SPTBN1: variants seen among roughly 807,000 people sequenced by gnomAD.
SPTBN1 encodes spectrin beta chain, non-erythrocytic 1.
Under a neutral mutation model 266.4 loss-of-function variants are expected in SPTBN1, and 32 were observed. The ratio of observed to expected loss-of-function variants is 0.12; its 90% CI spans 0.09 to 0.16. SPTBN1 has a LOEUF of 0.16. Ranked by LOEUF, SPTBN1 falls within the 10% of genes least tolerant of loss-of-function variation. SPTBN1 has a pLI of 1.00. For missense variants in SPTBN1, 2,296 were observed against 3,067.1 expected (o/e 0.75, Z 5.94); for synonymous variants, 1,336 against 1,162.2 (o/e 1.15, Z -3.04).
chr2:54,634,427 G>A (rs764903302), intron 17 of SPTBN1, among the ~76,000 whole-genome samples: 2 of 152,202 alleles, frequency 1.3e-5, no homozygotes, highest in Admixed American at 6.5e-5. Flanking sequence ...AAAATGAAAC[G>A]TAAAGATAAC....
intron 18 of SPTBN1, among the ~76,000 whole-genome samples, chr2:54,641,894 T>C (rs959597710): frequency 2.0e-5 from 3 of 152,220 alleles, no homozygotes; most frequent in African/African-American, 7.2e-5. Context: ...CTACTGGTTT[T>C]ATGTGTCACT....
intron 1 of SPTBN1, among the ~76,000 whole-genome samples, chr2:54,477,122 A>G (rs965028840): frequency 8.5e-5 from 13 of 152,264 alleles, no homozygotes; most frequent in African/African-American, 2.9e-4. Flanking sequence ...GGGCTCTGAT[A>G]AGAAACAGAG....
rs71975342 is a variant in SPTBN1, at chr2:54,546,958, TAA to T, written c.148+20407_148+20408del. On this transcript the variant is annotated intron_variant, in intron 2 of 35. Transcript: ENST00000356805. ...TTTTAAAATTCATTTTTAATGGTGG[TAA>T]AAAAAAAAAAAAAACCACATAACAT... is the stretch of plus-strand genomic sequence containing the variant. Among the ~76,000 whole-genome samples, 1,034 of 144,062 alleles carry T rather than the reference TAA, an allele frequency of 7.2e-3. 10 individuals are homozygous for T. Among genetic ancestry groups the T allele is most frequent in the African/African-American group, 0.014 (534 of 38,730 alleles). The allele number at this position is 144,062 out of a possible 152,430, so 94.5% of individuals were successfully genotyped here.
intron 3 of SPTBN1, 144 bp downstream of exon 3, chr2:54,599,387 G>T (rs1558414043): frequency 1.1e-6 from 1 of 949,682 alleles, no homozygotes; most frequent in East Asian, 2.6e-5. Context: ...GAGCGCTTCA[G>T]GGAGAGCCTT....
At chr2:54,610,041 G>A (rs566767029) in intron 3 of SPTBN1, among the ~76,000 whole-genome samples, 47 of 113,276 alleles carry the variant, frequency 4.1e-4, no homozygotes, top group Non-Finnish European at 7.1e-4. Flanking sequence ...GGGCACTTTC[G>A]TCTGCATTAA....
At chr2:54,666,208 C>A in intron 34 of SPTBN1, 120 bp downstream of exon 34, 3 of 1,115,968 alleles carry the variant, frequency 2.7e-6, no homozygotes, top group Non-Finnish European at 3.8e-6. Context: ...ATTTTAAATC[C>A]CCAATAAAGT....
intron 1 of SPTBN1, among the ~76,000 whole-genome samples, chr2:54,461,260 A>G (rs1211264099): frequency 6.6e-6 from 1 of 152,170 alleles, no homozygotes; most frequent in Non-Finnish European, 1.5e-5. Flanking sequence ...TTCTATTCCC[A>G]AGGTTTATCC....
At chr2:54,483,352 T>C (rs1279678811) in intron 1 of SPTBN1, among the ~76,000 whole-genome samples, 2 of 152,108 alleles carry the variant, frequency 1.3e-5, no homozygotes, top group Admixed American at 1.3e-4. Context: ...ACATAGCACA[T>C]AAGATCCAAG....
At position 54,643,158 on chromosome 2, in the gene SPTBN1, G is replaced by A. The variant is rs115808261; in HGVS notation, c.4005+29G>A. On this transcript the variant is annotated intron_variant, in intron 19 of 35. Transcript: ENST00000356805. ...AGTTAAAACATTTGATGTGGCCATG[G>A]TGAGAAAACAAACAGGGTAGTAATA... is the stretch of plus-strand genomic sequence containing the variant. 3.1e-4 allele frequency: 501 copies of A among 1,613,060 alleles called. No individual in the cohort carries two copies. In the African/African-American group the frequency reaches 6.3e-3, roughly 20 times the overall value.
Position 54,528,561 on chromosome 2 carries a change from A to G in SPTBN1, c.148+1995A>G, listed in dbSNP as rs184538193. The G allele has an allele frequency of 1.0e-3, 157 of 152,350 alleles. 1 individual carries two copies. The highest frequency in any genetic ancestry group is 3.3e-3 in the African/African-American group (137 of 41,572). The allele number at this position is 152,350 out of a possible 1,614,324, so 9.4% of individuals were successfully genotyped here. On this transcript the variant is annotated intron_variant, in intron 2 of 35. Coordinates refer to ENST00000356805, the MANE Select transcript of SPTBN1 (RefSeq NM_003128.3). ...ATCCCATAACAATCATATGAGAGAG[A>G]TTATTACTGTCTACATTGTATAGAT...
In SPTBN1 at chr2:54,573,190, A is replaced by G. The variant is rs539647453; in HGVS notation, c.149-25902A>G. Among the ~76,000 whole-genome samples the G allele has an allele frequency of 3.9e-5, 6 of 152,290 alleles. No homozygotes were observed. The East Asian group carries it at 1.2e-3, about 29-fold the overall frequency. ...CTGCTCCATGTTTCTGGAAGAGGAA[A>G]GTGATGCACAGGTCACTTAGTAAAG... On this transcript the variant is annotated intron_variant, in intron 2 of 35. Transcript: ENST00000356805.
chr2:54,457,463 T>C (rs937227673), intron 1 of SPTBN1, among the ~76,000 whole-genome samples: 1 of 152,156 alleles, frequency 6.6e-6, no homozygotes, highest in Non-Finnish European at 1.5e-5. Context: ...TCCATTATTT[T>C]TCCAATCGAA....
At chr2:54,583,672 A>G (rs1675098539) in intron 2 of SPTBN1, among the ~76,000 whole-genome samples, 2 of 152,230 alleles carry the variant, frequency 1.3e-5, no homozygotes, top group Non-Finnish European at 2.9e-5. Context: ...CAAATGTTAT[A>G]TAAAGTTAAC....
At chr2:54,485,912 C>T (rs1488359605) in intron 1 of SPTBN1, among the ~76,000 whole-genome samples, 2 of 150,834 alleles carry the variant, frequency 1.3e-5, no homozygotes, top group Non-Finnish European at 3.0e-5. Context: ...AGCGTCTCTG[C>T]CCGGCCGCCC....
At chr2:54,538,036 C>T (rs937760211) in intron 2 of SPTBN1, among the ~76,000 whole-genome samples, 2 of 152,056 alleles carry the variant, frequency 1.3e-5, no homozygotes, top group African/African-American at 4.8e-5. Context: ...TGAATGTTTA[C>T]GACACATTTT....
chr2:54,646,418 G>A lies in SPTBN1; in HGVS notation c.4809G>A (p.Glu1603=). Residue 1603 remains glutamate (E), a synonymous_variant, in exon 23 of 36, where the codon GAG becomes GAA. Transcript: ENST00000356805. This position sits in a 1 kb window ranked among gnomAD's most constrained non-coding sequence, Gnocchi z 4.4. ...AGCAGTACTACTTTGACGCTGCTGA[G>A]GCCGAAGCCTGGATGAGCGAGCAGG... ...RAQQYYFDAA[E]AEAWMSEQEL... 1 of 1,595,614 alleles carries A rather than the reference G, an allele frequency of 6.3e-7. No homozygotes were observed. Among genetic ancestry groups the A allele is most frequent in the Non-Finnish European group, 8.5e-7 (1 of 1,170,952 alleles).
rs1483175662 is a variant in SPTBN1 at position 54,626,286 on chromosome 2, CT to C, written c.1644+56del. 2 of 1,556,460 alleles carry C rather than the reference CT, an allele frequency of 1.3e-6. No homozygotes were observed. Among genetic ancestry groups the C allele is most frequent in the Admixed American group, 3.7e-5 (2 of 53,734 alleles). On this transcript the variant is annotated intron_variant, in intron 12 of 35. Coordinates refer to ENST00000356805, the MANE Select transcript of SPTBN1 (RefSeq NM_003128.3). This position sits in a 1 kb window ranked among gnomAD's most constrained non-coding sequence, Gnocchi z 4.7. ...ACAGAGCTGATCCAACCAGGGCTCT[CT>C]TTTCTGTGACTCATTCACTAAACCC...
Position 54,612,288 on chromosome 2 carries a change from A to G in SPTBN1, c.428A>G (p.His143Arg). ...MGSHDIVDGN[H>R]RLTLGLIWTI... ...TCCCATGACATCGTGGATGGAAACC[A>G]CCGGCTGACCCTTGGCCTCATCTGG... Residue 143 changes from histidine to arginine, a missense_variant, in exon 4 of 36, where the codon CAC (histidine) becomes CGC (arginine). By Grantham distance (29) the His-to-Arg change is conservative. Transcript: ENST00000356805. 1 of 1,614,088 alleles carries G rather than the reference A, an allele frequency of 6.2e-7. No homozygotes were observed. The highest frequency in any genetic ancestry group is 8.5e-7 in the Non-Finnish European group (1 of 1,179,932).
At chr2:54,568,567 G>A (rs1193443044) in intron 2 of SPTBN1, among the ~76,000 whole-genome samples, 1 of 152,070 alleles carries the variant, frequency 6.6e-6, no homozygotes, top group African/African-American at 2.4e-5. Flanking sequence ...AGATTACAGG[G>A]CTTTAAAACA....
Sources: allele counts gnomAD v4.1 joint callset (sites outside exome capture counted in the v4.1 genomes callset), GRCh38; gene constraint gnomAD v4.1.1; non-coding constraint Gnocchi (gnomAD v3.1); transcripts MANE v1.5; gene names NCBI Gene and HGNC (gene_info 2026-07-23, HGNC 2026-07-21).